The following CSTL1 variants were observed in gnomAD, a reference collection of about 807,000 sequenced individuals.
CSTL1 encodes the protein cystatin like 1, also known as cystatin-like 1.
In CSTL1, 14 loss-of-function variants were observed where a neutral mutation model predicts 14.4. That is an observed-to-expected ratio of 0.97 (90% CI 0.64 to 1.52). The LOEUF (loss-of-function observed/expected upper bound fraction) is 1.52. CSTL1 is among the 40% of genes most tolerant of loss of function. The pLI, the probability that CSTL1 is intolerant of heterozygous loss-of-function variation, is 0.00. For missense variants in CSTL1, 170 were observed against 168.7 expected (o/e 1.01, Z -0.04); for synonymous variants, 72 against 67.5 (o/e 1.07, Z -0.33).
At chr20:23,444,582 G>A (rs1394670260) in intron 3 of CSTL1, among the ~76,000 whole-genome samples, 189 bp from the exon 4 acceptor site, 1 of 152,178 alleles carries the variant, frequency 6.6e-6, no homozygotes, top group Non-Finnish European at 1.5e-5. Context: ...GCTGGGTAGG[G>A]GGAAGACAGG....
At chr20:23,443,124 GC>G (rs1049147054) in intron 2 of CSTL1, among the ~76,000 whole-genome samples, 1 of 152,062 alleles carries the variant, frequency 6.6e-6, no homozygotes, top group African/African-American at 2.4e-5. Flanking sequence ...GAGGAAACTG[GC>G]ATTATTCTCC....
chr20:23,441,842 C>T (rs6114086), intron 2 of CSTL1, among the ~76,000 whole-genome samples: 5,616 of 152,228 alleles, frequency 0.037, 180 homozygotes, highest in South Asian at 0.081. Flanking sequence ...TTTGGGAAAA[C>T]ACAACTGGCT....
At chr20:23,451,782 C>T in the CSTL1 span, 1 of 1,502,148 alleles carries the variant, frequency 6.7e-7, no homozygotes, top group Non-Finnish European at 9.2e-7. Context: ...CTGAAAAGGA[C>T]TTCTGTCTAC....
intron 1 of CSTL1, 122 bp downstream of exon 1, chr20:23,439,928 A>T (rs1454602901): frequency 9.4e-6 from 3 of 320,592 alleles, no homozygotes. Context: ...CTACAACCCC[A>T]GCTCTTATTG....
downstream of CSTL1, among the ~76,000 whole-genome samples, chr20:23,446,056 C>G (rs1986959592): frequency 6.6e-6 from 1 of 152,190 alleles, no homozygotes. Flanking sequence ...AAGGTAGTCT[C>G]TGCCTGGCAC....
downstream of CSTL1, among the ~76,000 whole-genome samples, chr20:23,448,449 A>G (rs1462194162): frequency 1.3e-5 from 2 of 152,170 alleles, no homozygotes; most frequent in Non-Finnish European, 2.9e-5. Context: ...ACGAATGTAC[A>G]CGTGTGACTA....
intron 2 of CSTL1, chr20:23,440,960 T>C (rs1568634912): frequency 4.1e-6 from 1 of 244,368 alleles, no homozygotes; most frequent in East Asian, 1.3e-4. Context: ...GTTTTCACCA[T>C]GTTAGCCAAG....
chr20:23,440,827 G>C (rs962336468), intron 2 of CSTL1: 8 of 361,374 alleles, frequency 2.2e-5, no homozygotes, highest in Non-Finnish European at 4.3e-5. Context: ...CATGATCTTG[G>C]CTCACTGCAA....
chr20:23,452,938 T>TCCTCC, the CSTL1 span: 1 of 651,628 alleles, frequency 1.5e-6, no homozygotes, highest in Non-Finnish European at 2.6e-6. Flanking sequence ...AGCTCTCCTC[T>TCCTCC]CCTCCTCCTC....
chr20:23,452,231 G>C, the CSTL1 span, among the ~76,000 whole-genome samples: 1 of 152,166 alleles, frequency 6.6e-6, no homozygotes, highest in Non-Finnish European at 1.5e-5. Flanking sequence ...AACATCTTAC[G>C]TTTTATTGGC....
At chr20:23,459,965 CCAGTGGT>C in the CSTL1 span, among the ~76,000 whole-genome samples, 1 of 152,150 alleles carries the variant, frequency 6.6e-6, no homozygotes. Flanking sequence ...CAACTGGTTC[CCAGTGGT>C]TTAGCAAATA....
intron 2 of CSTL1, 138 bp from the exon 3 acceptor site, chr20:23,443,796 G>T (rs1005423952): frequency 1.4e-5 from 9 of 630,592 alleles, no homozygotes; most frequent in Admixed American, 8.3e-5. Context: ...GGAGAAGGGA[G>T]CCATGCTTTT....
At chr20:23,440,737 G>T in intron 2 of CSTL1, 1 of 550,386 alleles carries the variant, frequency 1.8e-6, no homozygotes, top group Non-Finnish European at 3.3e-6. Flanking sequence ...AGGCAAAAGT[G>T]TTCACTGAGG....
At chr20:23,446,100 G>C (rs1038351590), downstream of CSTL1, among the ~76,000 whole-genome samples, 1 of 152,152 alleles carries the variant, frequency 6.6e-6, no homozygotes, top group East Asian at 1.9e-4. Flanking sequence ...AGGATAGCAG[G>C]GGTTCAATGT....
the CSTL1 span, among the ~76,000 whole-genome samples, chr20:23,460,674 G>A: frequency 3.3e-5 from 5 of 152,068 alleles, no homozygotes; most frequent in South Asian, 2.1e-4. Flanking sequence ...TGAGAAGCCC[G>A]CAGTTTTCAC....
chr20:23,449,153 C>A (rs1987023198), downstream of CSTL1, among the ~76,000 whole-genome samples: 1 of 152,210 alleles, frequency 6.6e-6, no homozygotes, highest in Non-Finnish European at 1.5e-5. Context: ...CAGGAGCTCT[C>A]CTGTTGGTGC....
At chr20:23,442,972 G>A (rs1986870020) in intron 2 of CSTL1, among the ~76,000 whole-genome samples, 1 of 152,210 alleles carries the variant, frequency 6.6e-6, no homozygotes, top group Admixed American at 6.5e-5. Context: ...GCCCACAAGG[G>A]CTTTTCCAGG....
At chr20:23,450,642 A>T in the CSTL1 span, 1 of 1,391,042 alleles carries the variant, frequency 7.2e-7, no homozygotes, top group Non-Finnish European at 1.0e-6. Flanking sequence ...GAAATTTAAA[A>T]GGAGAAGGAA....
the CSTL1 span, chr20:23,450,577 A>C: frequency 6.2e-7 from 1 of 1,608,878 alleles, no homozygotes; most frequent in Non-Finnish European, 8.5e-7. Flanking sequence ...ACTGAGAAGA[A>C]GCAGTTGACT....
Sources: gnomAD v4.1 joint callset for allele counts (sites outside exome capture counted in the v4.1 genomes callset) on GRCh38, gnomAD v4.1.1 for gene constraint, MANE v1.5 for transcripts, NCBI Gene and HGNC (gene_info 2026-07-23, HGNC 2026-07-21) for gene names.